RBFOX1: variants seen among roughly 807,000 people sequenced by gnomAD.
RBFOX1 encodes RNA binding fox-1 homolog 1.
RBFOX1 carries 8 observed loss-of-function variants against 57.7 expected under a neutral mutation model. The ratio of observed to expected loss-of-function variants is 0.14; its 90% CI spans 0.08 to 0.25. RBFOX1 has a LOEUF of 0.25. Among genes scored for constraint, RBFOX1 ranks in the 10% least tolerant of loss-of-function variants. RBFOX1 has a pLI of 1.00. For synonymous variants in RBFOX1, 326 were observed against 222.4 expected, an observed-to-expected ratio of 1.47 and a Z score of -4.15; for missense variants, 611 against 548.5, an observed-to-expected ratio of 1.11 and a Z score of -1.14.
chr16:6,436,475 A>T (rs2094237084), intron 2 of RBFOX1, among the ~76,000 whole-genome samples: 1 of 151,152 alleles, frequency 6.6e-6, no homozygotes, highest in Admixed American at 6.6e-5. Context: ...ACATGCTGTG[A>T]ACAATTTTGA....
intron 2 of RBFOX1, among the ~76,000 whole-genome samples, chr16:6,320,088 G>A (rs1206693780): frequency 6.6e-6 from 1 of 151,912 alleles, no homozygotes; most frequent in African/African-American, 2.4e-5. Flanking sequence ...GTGACTGAGA[G>A]GGGGAAGGTT....
intron 4 of RBFOX1, among the ~76,000 whole-genome samples, chr16:5,914,599 A>G (rs2058668328): frequency 6.6e-6 from 1 of 151,996 alleles, no homozygotes; most frequent in Non-Finnish European, 1.5e-5. Flanking sequence ...AGAGCAAAAG[A>G]AAAAAAAGGG....
chr16:6,003,980 GGTTTATTGAGA>G (rs747947739), intron 4 of RBFOX1, among the ~76,000 whole-genome samples: 1 of 152,132 alleles, frequency 6.6e-6, no homozygotes, highest in East Asian at 1.9e-4. Context: ...CCAAACTTTG[GGTTTATTGAGA>G]GTTTATTGAG....
At chr16:6,691,352 G>C (rs1420007652) in intron 3 of RBFOX1, among the ~76,000 whole-genome samples, 1 of 152,092 alleles carries the variant, frequency 6.6e-6, no homozygotes, top group Admixed American at 6.6e-5. Flanking sequence ...AGCTTATTTT[G>C]CCATCATTCT....
At chr16:7,223,257 G>C (rs1239306985) in intron 4 of RBFOX1, among the ~76,000 whole-genome samples, 1 of 152,218 alleles carries the variant, frequency 6.6e-6, no homozygotes, top group African/African-American at 2.4e-5. Context: ...ACCTCTAGGG[G>C]AGTCTGCATA....
chr16:7,064,653 T>G (rs558219390), intron 4 of RBFOX1, among the ~76,000 whole-genome samples: 19 of 152,264 alleles, frequency 1.2e-4, no homozygotes, highest in Non-Finnish European at 2.4e-4. Context: ...ATTTCTGTTG[T>G]TTGATTTCCC....
rs35279011 is a variant in RBFOX1, at chr16:6,129,702, T to TAA, written c.-127+109723_-127+109724dup. On this transcript the variant is annotated intron_variant, in intron 1 of 15. Coordinates refer to ENST00000550418, the MANE Select transcript of RBFOX1 (RefSeq NM_018723.4). ...AGATCAGGTTAAATACAGGTAGAAT[T>TAA]AAAAAAAAAAAAAAGAACTAAACTC... 2.6e-3 allele frequency among the ~76,000 whole-genome samples: 319 copies of TAA among 121,178 alleles called. 2 individuals carry two copies. The highest frequency in any genetic ancestry group is 8.7e-3 in the African/African-American group (277 of 31,942). 79.5% of individuals were successfully genotyped at this position (121,178 alleles called of 152,430 possible). A position where few individuals can be genotyped will look rare whatever the true frequency, so the allele number is the denominator to read the frequency against.
At chr16:5,600,959 C>A (rs2047346167), downstream of RBFOX1, among the ~76,000 whole-genome samples, 1 of 152,166 alleles carries the variant, frequency 6.6e-6, no homozygotes, top group Non-Finnish European at 1.5e-5. Context: ...TGCCCATGGT[C>A]ACACAGCCTG....
intron 1 of RBFOX1, among the ~76,000 whole-genome samples, chr16:6,306,080 A>C (rs1348932762): frequency 6.6e-6 from 1 of 152,144 alleles, no homozygotes; most frequent in Non-Finnish European, 1.5e-5. Context: ...CACTCTGTTG[A>C]GTGCAGAGTA....
At chr16:7,387,801 C>A (rs189591703) in intron 4 of RBFOX1, among the ~76,000 whole-genome samples, 74 of 152,248 alleles carry the variant, frequency 4.9e-4, no homozygotes, top group Non-Finnish European at 2.1e-4. Context: ...GGAGAAAGCT[C>A]CGTACGTGTA....
At chr16:5,388,957 CGAGGT>C (rs1213988344) in intron 1 of RBFOX1, among the ~76,000 whole-genome samples, 1 of 151,250 alleles carries the variant, frequency 6.6e-6, no homozygotes, top group Non-Finnish European at 1.5e-5. Context: ...TTTGGGAGGC[CGAGGT>C]GGGCAGATCA....
At chr16:5,984,968 ATATATATATTTT>A (rs1220897530) in intron 4 of RBFOX1, among the ~76,000 whole-genome samples, 1,009 of 55,600 alleles carry the variant, frequency 0.018, 3 homozygotes, top group Non-Finnish European at 0.023. Context: ...ATATATATAT[ATATATATATTTT>A]TTTTTTTTTT....
intron 1 of RBFOX1, among the ~76,000 whole-genome samples, chr16:6,144,134 C>T (rs575330963): frequency 6.6e-6 from 1 of 152,072 alleles, no homozygotes; most frequent in Non-Finnish European, 1.5e-5. Flanking sequence ...AGTTCTGAAG[C>T]ATGTATTCCT....
intron 4 of RBFOX1, among the ~76,000 whole-genome samples, chr16:7,330,189 A>T (rs1341771474): frequency 6.6e-6 from 1 of 152,120 alleles, no homozygotes; most frequent in Non-Finnish European, 1.5e-5. Context: ...AAATCTGCAG[A>T]TGCTCAGTCC....
chr16:7,491,420 C>G (rs1402374224), intron 4 of RBFOX1, among the ~76,000 whole-genome samples: 2 of 101,518 alleles, frequency 2.0e-5, no homozygotes, highest in East Asian at 7.6e-4. Context: ...CCATTGTGAG[C>G]AGAAGCAGCC....
At chr16:6,498,013 C>T (rs1360214128) in intron 2 of RBFOX1, among the ~76,000 whole-genome samples, 2 of 151,998 alleles carry the variant, frequency 1.3e-5, no homozygotes, top group Non-Finnish European at 2.9e-5. Flanking sequence ...CTTTGGGAGG[C>T]TGAGGCGGGT....
chr16:6,348,710 C>T (rs1393055073), intron 2 of RBFOX1, among the ~76,000 whole-genome samples: 1 of 152,082 alleles, frequency 6.6e-6, no homozygotes, highest in Non-Finnish European at 1.5e-5. Context: ...TTTTAAACAA[C>T]CGGATGTCCC....
chr16:6,579,151 T>A (rs957114376), intron 2 of RBFOX1, among the ~76,000 whole-genome samples: 3 of 152,224 alleles, frequency 2.0e-5, no homozygotes, highest in African/African-American at 7.2e-5. Context: ...TTTAATGTTT[T>A]ATGCCAAGCT....
intron 1 of RBFOX1, among the ~76,000 whole-genome samples, chr16:5,452,636 C>G (rs1404173608): frequency 1.3e-5 from 2 of 151,726 alleles, no homozygotes; most frequent in Non-Finnish European, 2.9e-5. Context: ...GAAAAGTAAA[C>G]CATAAACCTT....
Sources: gnomAD v4.1 joint callset for allele counts (sites outside exome capture counted in the v4.1 genomes callset) on GRCh38, gnomAD v4.1.1 for gene constraint, MANE v1.5 for transcripts, NCBI Gene and HGNC (gene_info 2026-07-23, HGNC 2026-07-21) for gene names.